Variants in ARFGAP3 observed in about 807,000 individuals in gnomAD.
The protein encoded by ARFGAP3 is ADP-ribosylation factor GTPase-activating protein 3.
A neutral mutation model predicts 75.0 loss-of-function variants in ARFGAP3; 72 were observed. That is an observed-to-expected ratio of 0.96 (90% CI 0.79 to 1.17). ARFGAP3 has a LOEUF of 1.17. ARFGAP3 is among the 50% of genes most tolerant of loss of function. ARFGAP3 has a pLI of 0.00. For synonymous variants in ARFGAP3, 221 were observed against 217.9 expected (o/e 1.01, Z -0.13); for missense variants, 620 against 626.6 (o/e 0.99, Z 0.11).
intron 2 of ARFGAP3, among the ~76,000 whole-genome samples, chr22:42,844,598 A>T (rs1022373874): frequency 1.2e-4 from 13 of 107,432 alleles, no homozygotes; most frequent in South Asian, 2.9e-4. Flanking sequence ...GGAAAAAAAA[A>T]AAAAAAAAAT....
At position 42,847,504 on chromosome 22, in the gene ARFGAP3, A is replaced by AT. The variant is rs756963632; in HGVS notation, c.188+9dup. On this transcript the variant is annotated intron_variant, in intron 2 of 15. Coordinates refer to ENST00000263245, the MANE Select transcript of ARFGAP3 (RefSeq NM_014570.5). ...ATCAATCTCACCCCAATGAGAGAAG[A>AT]TTCACTTACCGAATAAAACTCAAGT... 70 of 1,604,858 alleles carry AT rather than the reference A, an allele frequency of 4.4e-5. No homozygotes were observed. The highest frequency in any genetic ancestry group is 5.8e-5 in the Non-Finnish European group (68 of 1,172,506).
intron 2 of ARFGAP3, among the ~76,000 whole-genome samples, chr22:42,842,437 T>G (rs1484271563): frequency 6.7e-6 from 1 of 150,108 alleles, no homozygotes; most frequent in African/African-American, 2.5e-5. Flanking sequence ...TGAGCCACCA[T>G]GCCCAGTGAA....
intron 2 of ARFGAP3, among the ~76,000 whole-genome samples, chr22:42,846,061 A>G (rs1366917325): frequency 6.9e-6 from 1 of 143,996 alleles, no homozygotes; most frequent in Non-Finnish European, 1.5e-5. Context: ...AAAAAAAAAA[A>G]GACAAAGAAT....
chr22:42,797,374 G>C lies in ARFGAP3; in HGVS notation c.*214C>G. The C allele has an allele frequency of 1.6e-6, 1 of 626,124 alleles. No homozygotes were observed. The highest frequency in any genetic ancestry group is 2.8e-6 in the Non-Finnish European group (1 of 361,756). 38.8% of individuals were successfully genotyped at this position (626,124 alleles called of 1,614,324 possible). The stretch of plus-strand genomic sequence containing the variant: ...ACACAGAGACGCCAAAGGAGGGTGT[G>C]ACAGGAAGGAACGTGAAACAGAAAT... On this transcript the variant is annotated 3_prime_UTR_variant, in exon 16 of 16. Transcript: ENST00000263245.
chr22:42,806,148 G>C (rs1925111766), intron 14 of ARFGAP3, among the ~76,000 whole-genome samples: 2 of 152,190 alleles, frequency 1.3e-5, no homozygotes, highest in South Asian at 4.1e-4. Flanking sequence ...AGGGTGCCAG[G>C]CTTGGAATGC....
intron 2 of ARFGAP3, among the ~76,000 whole-genome samples, chr22:42,842,869 G>A (rs111677472): frequency 3.9e-5 from 6 of 152,098 alleles, no homozygotes; most frequent in South Asian, 4.2e-4. Flanking sequence ...AGTGTCCACC[G>A]AGCAGGAGCC....
At chr22:42,851,943 C>T (rs1168498136) in intron 1 of ARFGAP3, among the ~76,000 whole-genome samples, 1 of 152,154 alleles carries the variant, frequency 6.6e-6, no homozygotes, top group Non-Finnish European at 1.5e-5. Context: ...GTAGAAGGTA[C>T]TATGATCATC....
intron 11 of ARFGAP3, among the ~76,000 whole-genome samples, chr22:42,814,897 G>A (rs1381443384): frequency 7.2e-5 from 11 of 152,084 alleles, no homozygotes; most frequent in Admixed American, 5.9e-4. Flanking sequence ...ACCATGCTAG[G>A]CTAATATTTT....
chr22:42,846,708 AG>A (rs1187083519), intron 2 of ARFGAP3, among the ~76,000 whole-genome samples: 1 of 152,254 alleles, frequency 6.6e-6, no homozygotes, highest in Non-Finnish European at 1.5e-5. Flanking sequence ...CCCTGATACA[AG>A]GAGAGTGTCT....
At position 42,803,900 on chromosome 22, in the gene ARFGAP3, C is replaced by CTT. The variant is rs11289963; in HGVS notation, c.1411+3171_1411+3172dup. Among the ~76,000 whole-genome samples the CTT allele has an allele frequency of 1.2e-3, 139 of 119,654 alleles. 1 individual carries two copies. Among genetic ancestry groups the CTT allele is most frequent in the African/African-American group, 4.1e-3 (113 of 27,506 alleles). The allele number at this position is 119,654 out of a possible 152,430, so 78.5% of individuals were successfully genotyped here. A position where few individuals can be genotyped will look rare whatever the true frequency, so the allele number is the denominator to read the frequency against. ...TTCCTTCCTTCCCTCCCTCCTTCCTCTTTTTTTTTTTTTTTTTTTTTGATA... is the reference window on the plus strand; with the variant it reads ...TTCCTTCCTTCCCTCCCTCCTTCCTCTTTTTTTTTTTTTTTTTTTTTTTGATA... On this transcript the variant is annotated intron_variant, in intron 14 of 15. Transcript: ENST00000263245.
chr22:42,828,284 C>T lies in ARFGAP3; in HGVS notation c.566-1285G>A, dbSNP rs368037474. On this transcript the variant is annotated intron_variant, in intron 6 of 15. Coordinates refer to ENST00000263245, the MANE Select transcript of ARFGAP3 (RefSeq NM_014570.5). ...AAAAAATACAAAGATGAGGGCCAGG[C>T]GCGGTAGCTCACACCTGTAATCCCG... 8.1e-5 allele frequency among the ~76,000 whole-genome samples: 11 copies of T among 135,798 alleles called. No homozygotes were observed. In the East Asian group the frequency reaches 1.8e-3, roughly 22 times the overall value. 89.1% of individuals were successfully genotyped at this position (135,798 alleles called of 152,430 possible).
At chr22:42,813,825 C>T (rs1427986597) in intron 11 of ARFGAP3, among the ~76,000 whole-genome samples, 3 of 152,208 alleles carry the variant, frequency 2.0e-5, no homozygotes. Flanking sequence ...GCCACTAGTC[C>T]CTGCTCAGAA....
At chr22:42,807,694 G>T (rs141263093) in intron 13 of ARFGAP3, among the ~76,000 whole-genome samples, 88 of 152,104 alleles carry the variant, frequency 5.8e-4, no homozygotes, top group Non-Finnish European at 1.0e-3. Flanking sequence ...ATAGTCAGAG[G>T]CACACTAGCA....
intron 2 of ARFGAP3, among the ~76,000 whole-genome samples, chr22:42,845,540 A>ACCCAAAACAACAACAACAAAAAAAAAC (rs1926977543): frequency 8.0e-5 from 12 of 149,836 alleles, no homozygotes; most frequent in Non-Finnish European, 1.5e-5. Context: ...AAAAAAAAAA[A>ACCCAAAACAACAACAACAAAAAAAAAC]CCCAAAACAA....
intron 13 of ARFGAP3, 51 bp downstream of exon 13, chr22:42,808,716 C>T (rs1925233573): frequency 1.4e-6 from 2 of 1,464,198 alleles, no homozygotes; most frequent in Non-Finnish European, 1.9e-6. Context: ...CCCACACCCA[C>T]ACTTCCTTCC....
At position 42,796,678 on chromosome 22, in the gene ARFGAP3, AAC is replaced by A. The variant is rs1232397138; in HGVS notation, c.*908_*909del. 1.3e-5 allele frequency: 2 copies of A among 152,254 alleles called. No homozygotes were observed. The highest frequency in any genetic ancestry group is 2.4e-5 in the African/African-American group (1 of 41,466). The allele number at this position is 152,254 out of a possible 1,614,324, so 9.4% of individuals were successfully genotyped here. A position where few individuals can be genotyped will look rare whatever the true frequency, so the allele number is the denominator to read the frequency against. On this transcript the variant is annotated 3_prime_UTR_variant, in exon 16 of 16. Coordinates refer to ENST00000263245, the MANE Select transcript of ARFGAP3 (RefSeq NM_014570.5). ...AACAATATATTCTAATGCTGTCTAA[AAC>A]ACAGCTAAATTATTTTTCTTTATTT...
chr22:42,817,936 T>G, intron 9 of ARFGAP3, 79 bp from the exon 10 acceptor site: 14 of 1,363,770 alleles, frequency 1.0e-5, no homozygotes, highest in Non-Finnish European at 1.2e-5. Context: ...AAATTAAACA[T>G]GTAATTTATA....
At chr22:42,848,591 T>C (rs1456463396) in intron 1 of ARFGAP3, among the ~76,000 whole-genome samples, 2 of 152,172 alleles carry the variant, frequency 1.3e-5, no homozygotes, top group African/African-American at 2.4e-5. Context: ...TGCCTTATCC[T>C]TGAAGCATCA....
intron 7 of ARFGAP3, among the ~76,000 whole-genome samples, chr22:42,825,832 T>G (rs1043506791): frequency 6.6e-6 from 1 of 152,202 alleles, no homozygotes; most frequent in Non-Finnish European, 1.5e-5. Flanking sequence ...TCTTTAGAAT[T>G]ATGTCTAAGA....
Sources: allele counts gnomAD v4.1 joint callset (sites outside exome capture counted in the v4.1 genomes callset), GRCh38; gene constraint gnomAD v4.1.1; transcripts MANE v1.5; gene names NCBI Gene and HGNC (gene_info 2026-07-23, HGNC 2026-07-21).